CCDC47: variants seen among roughly 807,000 people sequenced by gnomAD.
The protein encoded by CCDC47 is coiled-coil domain containing 47, also known as PAT complex subunit CCDC47.
CCDC47 carries 41 observed loss-of-function variants against 60.5 expected under a neutral mutation model. The observed-to-expected ratio is 0.68, with a 90% CI of 0.53 to 0.88. The LOEUF is 0.88. Ranked by LOEUF, CCDC47 falls within the 40% of genes least tolerant of loss-of-function variation. The pLI is 0.00. For missense variants in CCDC47, 513 were observed against 580.9 expected (o/e 0.88, Z 1.20); for synonymous variants, 195 against 190.7 (o/e 1.02, Z -0.18).
At chr17:63,770,667 C>T (rs1459856903) in intron 1 of CCDC47, among the ~76,000 whole-genome samples, 1 of 152,072 alleles carries the variant, frequency 6.6e-6, no homozygotes, top group Non-Finnish European at 1.5e-5. Context: ...GAATGCCTTG[C>T]AATCCATGGA....
intron 11 of CCDC47, 67 bp downstream of exon 11, chr17:63,752,253 C>CT: frequency 7.1e-7 from 1 of 1,401,644 alleles, no homozygotes; most frequent in East Asian, 2.3e-5. Flanking sequence ...TCATTGATAG[C>CT]TGCCCTCCCC....
chr17:63,749,132 C>T (rs974372791), intron 12 of CCDC47, among the ~76,000 whole-genome samples: 65 of 151,972 alleles, frequency 4.3e-4, no homozygotes, highest in African/African-American at 1.2e-4. Context: ...AATAGCTGGG[C>T]GTAGTGGCTC....
At chr17:63,747,176 A>G in intron 12 of CCDC47, 1 of 983,204 alleles carries the variant, frequency 1.0e-6, no homozygotes, top group Non-Finnish European at 1.2e-6. Context: ...ACTTCAAATG[A>G]AGCAAAGGTA....
intron 12 of CCDC47, among the ~76,000 whole-genome samples, chr17:63,749,693 G>C (rs1015358064): frequency 6.6e-6 from 1 of 151,718 alleles, no homozygotes; most frequent in African/African-American, 2.4e-5. Context: ...AGGCTGCAGC[G>C]AGCTGAGATC....
intron 6 of CCDC47, among the ~76,000 whole-genome samples, chr17:63,760,294 GTTACCCATGAGGGCCA>G (rs2039247986): frequency 1.3e-5 from 2 of 152,118 alleles, no homozygotes; most frequent in South Asian, 2.1e-4. Flanking sequence ...AAGGAGCCAA[GTTACCCATGAGGGCCA>G]TTACCTTTCA....
At chr17:63,753,182 T>C (rs1475050346) in intron 9 of CCDC47, 1 of 651,624 alleles carries the variant, frequency 1.5e-6, no homozygotes, top group African/African-American at 2.0e-5. Context: ...TATCTTCCTA[T>C]AACAAGGCAT....
intron 12 of CCDC47, among the ~76,000 whole-genome samples, chr17:63,748,232 C>A (rs946316398): frequency 5.9e-5 from 9 of 151,808 alleles, no homozygotes; most frequent in Non-Finnish European, 1.3e-4. Context: ...CCTGCCTCAG[C>A]CCCCGGAGTA....
intron 4 of CCDC47, among the ~76,000 whole-genome samples, chr17:63,762,912 T>C (rs937407980): frequency 2.0e-5 from 3 of 152,150 alleles, no homozygotes; most frequent in Non-Finnish European, 2.9e-5. Context: ...ATGAGAAAAT[T>C]ATTAAATACA....
chr17:63,770,629 A>G (rs2039331102), intron 1 of CCDC47, among the ~76,000 whole-genome samples: 1 of 152,174 alleles, frequency 6.6e-6, no homozygotes, highest in Non-Finnish European at 1.5e-5. Context: ...TTCTTAAAGA[A>G]ATCAGTTTAA....
chr17:63,747,877 T>C (rs963805001), intron 12 of CCDC47: 4 of 773,452 alleles, frequency 5.2e-6, no homozygotes, highest in Non-Finnish European at 6.3e-6. Context: ...TTTTTTGAGA[T>C]AGGGTCTTGC....
At chr17:63,757,326 T>TC (rs549631634) in intron 6 of CCDC47, among the ~76,000 whole-genome samples, 1 of 148,054 alleles carries the variant, frequency 6.8e-6, no homozygotes, top group South Asian at 2.1e-4. Context: ...TAAGTGATGA[T>TC]CGTGCACTCC....
chr17:63,750,436 C>T (rs1295313680), intron 12 of CCDC47, among the ~76,000 whole-genome samples: 15 of 152,184 alleles, frequency 9.9e-5, no homozygotes, highest in South Asian at 4.1e-4. Flanking sequence ...GGGCAGTTCA[C>T]TCAACAGCAT....
chr17:63,747,230 C>G, intron 12 of CCDC47: 4 of 983,972 alleles, frequency 4.1e-6, no homozygotes, highest in Middle Eastern at 5.2e-4. Context: ...AATTAACCAG[C>G]CTTTGTTATT....
chr17:63,768,764 C>T (rs1432892647), intron 1 of CCDC47, among the ~76,000 whole-genome samples: 1 of 151,272 alleles, frequency 6.6e-6, no homozygotes, highest in Non-Finnish European at 1.5e-5. Context: ...CTGGGCAACA[C>T]AGTGAGACTT....
chr17:63,754,347 G>A (rs928983197), intron 9 of CCDC47, 86 bp downstream of exon 9: 3 of 786,044 alleles, frequency 3.8e-6, no homozygotes, highest in African/African-American at 3.5e-5. Context: ...CATTTGGTAA[G>A]GGATATTGCA....
At chr17:63,752,881 G>C in intron 9 of CCDC47, 82 bp from the exon 10 acceptor site, 3 of 1,542,922 alleles carry the variant, frequency 1.9e-6, no homozygotes, top group South Asian at 1.2e-5. Context: ...ACACTTAGAT[G>C]AACAGATACC....
chr17:63,752,498 T>C, intron 10 of CCDC47, 69 bp from the exon 11 acceptor site: 3 of 875,748 alleles, frequency 3.4e-6, no homozygotes, highest in Non-Finnish European at 5.0e-6. Context: ...ACCCAACTCT[T>C]TTTTTTTTTT....
chr17:63,771,044 G>GAAAAAAA (rs56323760), intron 1 of CCDC47, among the ~76,000 whole-genome samples: 1 of 133,870 alleles, frequency 7.5e-6, no homozygotes, highest in Non-Finnish European at 1.6e-5. Flanking sequence ...AAGGAAGGAA[G>GAAAAAAA]GAAGAAAGAA....
chr17:63,762,007 TA>T (rs991779488), intron 4 of CCDC47: 41 of 889,838 alleles, frequency 4.6e-5, no homozygotes, highest in Non-Finnish European at 4.8e-5. Context: ...ATGGAGTGAA[TA>T]AAAAATACCA....
Sources: allele counts gnomAD v4.1 joint callset (sites outside exome capture counted in the v4.1 genomes callset), GRCh38; gene constraint gnomAD v4.1.1; transcripts MANE v1.5; gene names NCBI Gene and HGNC (gene_info 2026-07-23, HGNC 2026-07-21).